The following TANC2 variants were observed in gnomAD, a reference collection of about 807,000 sequenced individuals.
TANC2 encodes tetratricopeptide repeat, ankyrin repeat and coiled-coil containing 2.
TANC2 carries 26 observed loss-of-function variants against 210.5 expected under a neutral mutation model. That is an observed-to-expected ratio of 0.12 (90% CI 0.09 to 0.17). The LOEUF (loss-of-function observed/expected upper bound fraction) is 0.17, where lower values mean the gene tolerates loss of function less well. Ranked by LOEUF, TANC2 falls within the 10% of genes least tolerant of loss-of-function variation. The pLI is 1.00. For synonymous variants in TANC2, 931 were observed against 967.1 expected (o/e 0.96, Z 0.69); for missense variants, 2,129 against 2,608.9 (o/e 0.82, Z 4.01).
chr17:62,982,349 T>C (rs1431875750), intron 1 of TANC2, among the ~76,000 whole-genome samples: 1 of 152,176 alleles, frequency 6.6e-6, no homozygotes, highest in Non-Finnish European at 1.5e-5. Context: ...GGATTCCCCC[T>C]TTATACTTAA....
intron 7 of TANC2, among the ~76,000 whole-genome samples, chr17:63,210,170 A>T (rs1384963522): frequency 5.3e-5 from 8 of 152,086 alleles, no homozygotes; most frequent in Non-Finnish European, 1.2e-4. Context: ...TCCAAATATA[A>T]ATACTCCCCA....
chr17:63,098,350 CTAGAG>C (rs1452349561), intron 3 of TANC2, among the ~76,000 whole-genome samples: 4 of 150,804 alleles, frequency 2.7e-5, no homozygotes, highest in Non-Finnish European at 5.9e-5. Context: ...CTACTTTCTC[CTAGAG>C]TATAGTTCTT....
chr17:63,309,965 T>TG (rs2045062166), intron 9 of TANC2, among the ~76,000 whole-genome samples: 1 of 91,558 alleles, frequency 1.1e-5, no homozygotes, highest in South Asian at 2.9e-4. Context: ...GTTAACCCTT[T>TG]GGGGGAAAAA....
intron 8 of TANC2, among the ~76,000 whole-genome samples, chr17:63,248,317 GA>G (rs140358785): frequency 0.012 from 1,890 of 151,592 alleles, 41 homozygotes; most frequent in African/African-American, 0.043. Flanking sequence ...CTTGAAATAG[GA>G]AAAAAAAGTA....
chr17:63,109,651 A>G (rs953971978), intron 4 of TANC2, among the ~76,000 whole-genome samples: 1 of 151,766 alleles, frequency 6.6e-6, no homozygotes, highest in Non-Finnish European at 1.5e-5. Context: ...ACCCTATTCT[A>G]GACAGTGTTA....
intron 17 of TANC2, among the ~76,000 whole-genome samples, chr17:63,393,082 G>C (rs746359648): frequency 7.9e-5 from 12 of 152,112 alleles, no homozygotes; most frequent in Non-Finnish European, 1.8e-4. Flanking sequence ...TTAGTGTTGT[G>C]CCTCCTTAGT....
chr17:63,193,809 T>G, intron 5 of TANC2, 182 bp from the exon 6 acceptor site: 1 of 574,342 alleles, frequency 1.7e-6, no homozygotes, highest in Non-Finnish European at 2.7e-6. Flanking sequence ...TTCGTGTAAA[T>G]TTTTTACTTG....
chr17:63,384,627 C>T (rs1262611700), intron 15 of TANC2, among the ~76,000 whole-genome samples: 1 of 152,044 alleles, frequency 6.6e-6, no homozygotes, highest in Non-Finnish European at 1.5e-5. Flanking sequence ...CAGTGATAAC[C>T]CTTATCCTAA....
At chr17:63,183,405 G>T (rs771687666) in intron 5 of TANC2, among the ~76,000 whole-genome samples, 12 of 152,220 alleles carry the variant, frequency 7.9e-5, no homozygotes, top group African/African-American at 2.9e-4. Flanking sequence ...TGCATTCGTC[G>T]TAATACATTT....
intron 1 of TANC2, among the ~76,000 whole-genome samples, chr17:63,007,538 C>G (rs2033675614): frequency 6.6e-6 from 1 of 152,016 alleles, no homozygotes; most frequent in South Asian, 2.1e-4. Flanking sequence ...TCTCTTATGT[C>G]TTACTTTCTT....
Position 63,422,097 on chromosome 17 carries a change from C to T in TANC2, c.*142C>T, listed in dbSNP as rs866398835. On this transcript the variant is annotated 3_prime_UTR_variant, in exon 28 of 28. Coordinates refer to ENST00000689528, the Ensembl canonical transcript of TANC2. ...GAGGTGGCAGCCCACATGCTGAAATCCTTTGCATGCAGCCGACTGGGAAGC... is the reference window on the plus strand; with the variant it reads ...GAGGTGGCAGCCCACATGCTGAAATTCTTTGCATGCAGCCGACTGGGAAGC... 5.6e-5 allele frequency: 62 copies of T among 1,107,256 alleles called. No individual in the cohort carries two copies. The Middle Eastern group carries it at 2.1e-3, about 38-fold the overall frequency. The allele number at this position is 1,107,256 out of a possible 1,614,324, so 68.6% of individuals were successfully genotyped here. A position where few individuals can be genotyped will look rare whatever the true frequency, so the allele number is the denominator to read the frequency against.
At chr17:62,970,618 T>A (rs932875307) in intron 1 of TANC2, among the ~76,000 whole-genome samples, 3 of 152,196 alleles carry the variant, frequency 2.0e-5, no homozygotes, top group Non-Finnish European at 4.4e-5. Flanking sequence ...ACTATTAGGG[T>A]AGTTGGTACT....
intron 18 of TANC2, chr17:63,396,873 G>A (rs947405092): frequency 1.3e-5 from 2 of 152,076 alleles, no homozygotes; most frequent in Non-Finnish European, 2.9e-5. Flanking sequence ...TCACTACCAG[G>A]TGATGGGAAC....
At chr17:63,371,972 A>G (rs1304423660) in intron 14 of TANC2, among the ~76,000 whole-genome samples, 2 of 152,132 alleles carry the variant, frequency 1.3e-5, no homozygotes, top group Non-Finnish European at 2.9e-5. Flanking sequence ...TGCAAGTAGA[A>G]TTTGCTCTCT....
chr17:63,403,767 C>T (rs2048413722), intron 19 of TANC2, among the ~76,000 whole-genome samples: 2 of 152,076 alleles, frequency 1.3e-5, no homozygotes, highest in African/African-American at 4.8e-5. Context: ...CTAAAATTAC[C>T]ACATTTTACT....
intron 7 of TANC2, among the ~76,000 whole-genome samples, chr17:63,213,730 GA>G (rs2041951582): frequency 1.3e-5 from 2 of 152,180 alleles, no homozygotes; most frequent in South Asian, 4.1e-4. Flanking sequence ...GGCTATTACT[GA>G]AAGACTGAAT....
At chr17:63,319,206 C>A (rs572287224) in intron 11 of TANC2, 116 bp downstream of exon 11, 3 of 1,057,684 alleles carry the variant, frequency 2.8e-6, no homozygotes, top group South Asian at 1.7e-5. Context: ...ACCATGAGAA[C>A]GTGGAGGAAA....
At chr17:63,419,931 C>G in intron 27 of TANC2, 68 bp from the exon 28 acceptor site, 1 of 1,465,326 alleles carries the variant, frequency 6.8e-7, no homozygotes, top group Non-Finnish European at 9.1e-7. Context: ...TGACCATGTT[C>G]TCAGCTCTTG....
At chr17:63,196,377 G>A (rs573708712) in intron 6 of TANC2, among the ~76,000 whole-genome samples, 2 of 152,256 alleles carry the variant, frequency 1.3e-5, no homozygotes, top group East Asian at 3.9e-4. Flanking sequence ...AAATGTGACT[G>A]TTATAGTAAT....
Sources: gnomAD v4.1 joint callset for allele counts (sites outside exome capture counted in the v4.1 genomes callset) on GRCh38, gnomAD v4.1.1 for gene constraint, MANE v1.5 for transcripts, NCBI Gene and HGNC (gene_info 2026-07-23, HGNC 2026-07-21) for gene names.